Variants in FHIP1A observed in about 807,000 individuals in gnomAD.
FHIP1A encodes FHF complex subunit HOOK interacting protein 1A.
A neutral mutation model predicts 88.6 loss-of-function variants in FHIP1A; 61 were observed. That is an observed-to-expected ratio of 0.69 (90% CI 0.56 to 0.85). The LOEUF (loss-of-function observed/expected upper bound fraction) is 0.85, where lower values mean the gene tolerates loss of function less well. Ranked by LOEUF, FHIP1A falls within the 40% of genes least tolerant of loss-of-function variation. The pLI is 0.00. For missense variants in FHIP1A, 1,154 were observed against 1,273.5 expected (o/e 0.91, Z 1.43); for synonymous variants, 478 against 496.0 (o/e 0.96, Z 0.48).
Position 151,625,715 on chromosome 4 carries a change from C to A in FHIP1A, c.979-3987C>A, listed in dbSNP as rs573960524. On this transcript the variant is annotated intron_variant, in intron 7 of 13. Transcript: ENST00000435205. ...TGTCACCTCCTCCCTTCCCACCCAC[C>A]TCCTTTTTAAAAGAAAACACACTGT... Among the ~76,000 whole-genome samples the A allele has an allele frequency of 2.0e-5, 3 of 152,276 alleles. No homozygotes were observed. The East Asian group carries it at 5.8e-4, about 29-fold the overall frequency.
At chr4:151,476,848 CAATAACCAGTTAGAAGATATAT>C (rs1012360343) in intron 2 of FHIP1A, among the ~76,000 whole-genome samples, 1 of 151,254 alleles carries the variant, frequency 6.6e-6, no homozygotes, top group Admixed American at 6.6e-5. Context: ...TATATGCTAA[CAATAACCAGTTAGAAGATATAT>C]TGGGGAAAAA....
At chr4:151,525,967 G>C (rs1234300838) in intron 3 of FHIP1A, among the ~76,000 whole-genome samples, 4 of 151,810 alleles carry the variant, frequency 2.6e-5, no homozygotes, top group Non-Finnish European at 5.9e-5. Flanking sequence ...CTCTTAAGGA[G>C]CATGCTGCCT....
chr4:151,484,115 A>G (rs746442236), intron 3 of FHIP1A, among the ~76,000 whole-genome samples: 3 of 152,154 alleles, frequency 2.0e-5, no homozygotes, highest in Non-Finnish European at 2.9e-5. Context: ...GTTAACTCCA[A>G]CCAATGAGAG....
Position 151,447,634 on chromosome 4 carries a change from G to T in FHIP1A, c.-355-7067G>T, listed in dbSNP as rs193282926. Among the ~76,000 whole-genome samples the T allele has an allele frequency of 7.9e-5, 12 of 152,200 alleles. 1 individual carries two copies. In the East Asian group the frequency reaches 2.3e-3, roughly 29 times the overall value. On this transcript the variant is annotated intron_variant, in intron 1 of 13. Coordinates refer to ENST00000435205, the MANE Select transcript of FHIP1A (RefSeq NM_001109977.3). Reference sequence around the variant, plus strand: ...AATTGTGCCCACTCAAAATTCATATGTTGAAGGCCTAACCCCCAATACCTC... The same window carrying T: ...AATTGTGCCCACTCAAAATTCATATTTTGAAGGCCTAACCCCCAATACCTC...
intron 3 of FHIP1A, among the ~76,000 whole-genome samples, chr4:151,493,262 C>T (rs1187909421): frequency 6.6e-6 from 1 of 152,106 alleles, no homozygotes; most frequent in African/African-American, 2.4e-5. Flanking sequence ...ATGCAACCCT[C>T]CTATATTAAA....
chr4:151,480,862 T>C (rs1729871925), intron 2 of FHIP1A, among the ~76,000 whole-genome samples: 1 of 152,124 alleles, frequency 6.6e-6, no homozygotes, highest in Admixed American at 6.6e-5. Context: ...CACGAATATT[T>C]GTTATAAGAG....
intron 2 of FHIP1A, among the ~76,000 whole-genome samples, chr4:151,471,327 GA>G (rs10570533): frequency 0.16 from 21,241 of 133,592 alleles, 1,896 homozygotes; most frequent in African/African-American, 0.29. Flanking sequence ...TTCCAATAAG[GA>G]AAAAAAAAAA....
intron 1 of FHIP1A, among the ~76,000 whole-genome samples, chr4:151,442,808 C>T (rs148728423): frequency 2.0e-5 from 3 of 152,150 alleles, no homozygotes; most frequent in African/African-American, 7.2e-5. Flanking sequence ...ATGTTCTATC[C>T]TTGTGTCTTT....
At chr4:151,574,911 AT>A (rs33979082) in intron 4 of FHIP1A, among the ~76,000 whole-genome samples, 27 of 150,738 alleles carry the variant, frequency 1.8e-4, no homozygotes, top group Non-Finnish European at 2.7e-4. Context: ...AGTCAATAGT[AT>A]TTTTTTTTTC....
rs557971787 is a variant in FHIP1A, at chr4:151,633,946, A to G, written c.1146+4077A>G. Reference sequence around the variant, plus strand: ...TAGCCAGAGCAATTAGGCAAGAGAAAGAAATAGAAAGCATTTAAATTGGAT... The same window carrying G: ...TAGCCAGAGCAATTAGGCAAGAGAAGGAAATAGAAAGCATTTAAATTGGAT... On this transcript the variant is annotated intron_variant, in intron 8 of 13. Coordinates refer to ENST00000435205, the MANE Select transcript of FHIP1A (RefSeq NM_001109977.3). Among the ~76,000 whole-genome samples the G allele has an allele frequency of 8.0e-4, 121 of 152,054 alleles. 1 individual carries two copies. The highest frequency in any genetic ancestry group is 2.7e-3 in the African/African-American group (111 of 41,550).
At chr4:151,496,851 T>C (rs972168953) in intron 3 of FHIP1A, among the ~76,000 whole-genome samples, 6 of 151,698 alleles carry the variant, frequency 4.0e-5, no homozygotes, top group Non-Finnish European at 7.4e-5. Flanking sequence ...TGTGAGCCAC[T>C]GCCCTTGGCC....
chr4:151,452,002 G>T (rs1728808471), intron 1 of FHIP1A, among the ~76,000 whole-genome samples: 2 of 151,904 alleles, frequency 1.3e-5, no homozygotes, highest in East Asian at 1.9e-4. Flanking sequence ...AAATTTTTTT[G>T]TAGGGATATG....
intron 1 of FHIP1A, among the ~76,000 whole-genome samples, chr4:151,409,955 G>A (rs1167071371): frequency 6.6e-6 from 1 of 152,150 alleles, no homozygotes; most frequent in Non-Finnish European, 1.5e-5. Flanking sequence ...TTAGGTAGCT[G>A]TTGCTCAATT....
At chr4:151,428,208 C>T (rs1733458705) in intron 1 of FHIP1A, among the ~76,000 whole-genome samples, 1 of 152,012 alleles carries the variant, frequency 6.6e-6, no homozygotes, top group Non-Finnish European at 1.5e-5. Flanking sequence ...TGAGATACAT[C>T]TTGAGTTTCA....
intron 1 of FHIP1A, among the ~76,000 whole-genome samples, chr4:151,440,888 T>A (rs1166053354): frequency 6.6e-6 from 1 of 152,188 alleles, no homozygotes; most frequent in Non-Finnish European, 1.5e-5. Flanking sequence ...CTCACACTAG[T>A]GCCCCTTGTC....
intron 2 of FHIP1A, among the ~76,000 whole-genome samples, chr4:151,461,988 T>C (rs1729156415): frequency 6.6e-6 from 1 of 151,988 alleles, no homozygotes; most frequent in South Asian, 2.1e-4. Flanking sequence ...CAAGGGAGAC[T>C]CTGTCCCTAC....
At chr4:151,472,843 A>G (rs372895811) in intron 2 of FHIP1A, among the ~76,000 whole-genome samples, 1 of 152,120 alleles carries the variant, frequency 6.6e-6, no homozygotes, top group African/African-American at 2.4e-5. Flanking sequence ...TAAAAAAGCT[A>G]TTTTTGAATG....
chr4:151,422,540 C>A (rs958415817), intron 1 of FHIP1A, among the ~76,000 whole-genome samples: 1 of 152,100 alleles, frequency 6.6e-6, no homozygotes, highest in Admixed American at 6.5e-5. Flanking sequence ...GCACAAGCCA[C>A]CACGTCCAGC....
chr4:151,489,905 A>T (rs1448218092), intron 3 of FHIP1A, among the ~76,000 whole-genome samples: 1 of 152,004 alleles, frequency 6.6e-6, no homozygotes, highest in Admixed American at 6.5e-5. Context: ...AAAACACATA[A>T]ACTCTTGGTT....
Sources: allele counts gnomAD v4.1 joint callset (sites outside exome capture counted in the v4.1 genomes callset), GRCh38; gene constraint gnomAD v4.1.1; transcripts MANE v1.5; gene names NCBI Gene and HGNC (gene_info 2026-07-23, HGNC 2026-07-21).